ABHD2: variants seen among roughly 807,000 people sequenced by gnomAD.
ABHD2 encodes the protein monoacylglycerol lipase ABHD2.
ABHD2 carries 20 observed loss-of-function variants against 48.1 expected under a neutral mutation model. The observed-to-expected ratio is 0.42, with a 90% CI of 0.29 to 0.60. The LOEUF is 0.60. Ranked by LOEUF, ABHD2 falls within the 20% of genes least tolerant of loss-of-function variation. The pLI, the probability that ABHD2 is intolerant of heterozygous loss-of-function variation, is 0.24. For synonymous variants in ABHD2, 209 were observed against 214.2 expected (o/e 0.98, Z 0.21); for missense variants, 405 against 550.9 (o/e 0.74, Z 2.65).
intron 3 of ABHD2, chr15:89,135,564 TTCC>T (rs1265495533): frequency 1.6e-4 from 233 of 1,482,968 alleles, no homozygotes; most frequent in Non-Finnish European, 2.0e-4. Context: ...CATCTTCATC[TTCC>T]TCCTCCTCAT....
chr15:89,183,384 A>AATATATATATATAT (rs1555433648), intron 6 of ABHD2: 56 of 46,224 alleles, frequency 1.2e-3, no homozygotes, highest in South Asian at 1.8e-3. Context: ...AAAAAAAAAA[A>AATATATATATATAT]ATATATATAT....
At position 89,176,233 on chromosome 15, in the gene ABHD2, G is replaced by C. The variant is rs2051011143; in HGVS notation, c.722+238G>C. On this transcript the variant is annotated intron_variant, in intron 6 of 10. Coordinates refer to ENST00000352732, the MANE Select transcript of ABHD2 (RefSeq NM_152924.5). This position sits in a 1 kb window ranked among gnomAD's most constrained non-coding sequence, Gnocchi z 4.5. The stretch of plus-strand genomic sequence containing the variant: ...TGGGGTCAGATCTGTAATTGGAGAA[G>C]TAAAACCCCCTTTGATAGTTGCTGT... Among the ~76,000 whole-genome samples, 1 of 152,142 alleles carries C rather than the reference G, an allele frequency of 6.6e-6. No individual in the cohort carries two copies. The highest frequency in any genetic ancestry group is 1.5e-5 in the Non-Finnish European group (1 of 68,022).
In ABHD2 at chr15:89,184,376, C is replaced by T. The variant is rs898282237; in HGVS notation, c.723-1048C>T. On this transcript the variant is annotated intron_variant, in intron 6 of 10. Coordinates refer to ENST00000352732, the MANE Select transcript of ABHD2 (RefSeq NM_152924.5). This position sits in a 1 kb window ranked among gnomAD's most constrained non-coding sequence, Gnocchi z 5.1. ...CAAACCACCTGGTCCCCTCACTTACCATCTGGAAGATGGAACCTAGTAGAA... is the reference window on the plus strand; with the variant it reads ...CAAACCACCTGGTCCCCTCACTTACTATCTGGAAGATGGAACCTAGTAGAA... 1.3e-5 allele frequency among the ~76,000 whole-genome samples: 2 copies of T among 152,164 alleles called. No homozygotes were observed. Among genetic ancestry groups the T allele is most frequent in the Non-Finnish European group, 2.9e-5 (2 of 68,040 alleles).
intron 3 of ABHD2, chr15:89,136,092 A>ATTTT (rs35713906): frequency 3.3e-4 from 56 of 167,406 alleles, no homozygotes; most frequent in East Asian, 7.3e-4. Context: ...ATGCCTGGCA[A>ATTTT]TTTTTTTTTT....
At position 89,146,439 on chromosome 15, in the gene ABHD2, T is replaced by A. The variant is rs1025324321; in HGVS notation, c.195-5238T>A. On this transcript the variant is annotated intron_variant, in intron 3 of 10. Transcript: ENST00000352732. This position sits in a 1 kb window ranked among gnomAD's most constrained non-coding sequence, Gnocchi z 4.2. ...GGGGTGGGAGGGAGATCCAGACCCTTGTGGTCTTTCCCACTGACCAATTCT... is the reference window on the plus strand; with the variant it reads ...GGGGTGGGAGGGAGATCCAGACCCTAGTGGTCTTTCCCACTGACCAATTCT... Among the ~76,000 whole-genome samples the A allele has an allele frequency of 6.6e-6, 1 of 151,194 alleles. No individual in the cohort carries two copies. The highest frequency in any genetic ancestry group is 2.4e-5 in the African/African-American group (1 of 41,106).
the ABHD2 span, among the ~76,000 whole-genome samples, chr15:89,043,051 G>A: frequency 1.8e-3 from 274 of 152,306 alleles, no homozygotes; most frequent in Middle Eastern, 0.01. Context: ...CTGCTTTGAT[G>A]CCTATGCTGA....
Position 89,164,484 on chromosome 15 carries a change from T to A in ABHD2, c.538+8950T>A, listed in dbSNP as rs982863752. 2.6e-5 allele frequency among the ~76,000 whole-genome samples: 4 copies of A among 151,956 alleles called. No individual in the cohort carries two copies. Among genetic ancestry groups the A allele is most frequent in the Non-Finnish European group, 4.4e-5 (3 of 68,004 alleles). ...CCTGGTCGAGAAAGCTGAGAAAGAC[T>A]GTTAAGAAATTTGGCAATAAGTCCC... is the stretch of plus-strand genomic sequence containing the variant. On this transcript the variant is annotated intron_variant, in intron 5 of 10. Transcript: ENST00000352732. The surrounding 1 kb of genome is among the most constrained non-coding windows in gnomAD (Gnocchi z 5.0).
chr15:89,065,274 A>G, the ABHD2 span, among the ~76,000 whole-genome samples: 3 of 152,104 alleles, frequency 2.0e-5, no homozygotes, highest in Non-Finnish European at 4.4e-5. Context: ...CTCTACTCCC[A>G]TCCACCCGTT....
chr15:89,135,926 C>CT (rs879125413), intron 3 of ABHD2: 27,619 of 413,556 alleles, frequency 0.067, no homozygotes, highest in South Asian at 0.091. Flanking sequence ...GATCCTTTAA[C>CT]TTTTTTTTTT....
chr15:89,188,247 C>G lies in ABHD2; in HGVS notation c.870C>G (p.Asp290Glu), dbSNP rs2051245409. 1 of 1,612,466 alleles carries G rather than the reference C, an allele frequency of 6.2e-7. No individual in the cohort carries two copies. The change falls in exon 8 of 11, where the codon GAC (aspartate) becomes GAG (glutamate). Residue 290 changes from aspartate (D) to glutamate (E), a missense_variant. Coordinates refer to ENST00000352732, the MANE Select transcript of ABHD2 (RefSeq NM_152924.5). The surrounding 1 kb of genome is among the most constrained non-coding windows in gnomAD (Gnocchi z 4.1). ...VKKPQSLEDT[D>E]LSRLYTATSL... is the part of the protein sequence containing the mutation. ...AACCCCAGAGCCTGGAAGACACGGA[C>G]TTGAGCCGGCTCTACACAGCAACAT...
chr15:89,111,993 C>T (rs1459741492), intron 1 of ABHD2, among the ~76,000 whole-genome samples: 1 of 151,982 alleles, frequency 6.6e-6, no homozygotes, highest in Non-Finnish European at 1.5e-5. Context: ...TCAACACAGA[C>T]CTTTTCAGGG....
rs1337133627 is a variant in ABHD2, at chr15:89,164,729, A to T, written c.538+9195A>T. 6.6e-6 allele frequency among the ~76,000 whole-genome samples: 1 copy of T among 151,898 alleles called. No individual in the cohort carries two copies. Among genetic ancestry groups the T allele is most frequent in the Non-Finnish European group, 1.5e-5 (1 of 68,004 alleles). ...GAGCCCAGGAGTGCAGTGAGCCAAGATTACGCCACTGCACTCCAGCCTAGA... is the reference window on the plus strand; with the variant it reads ...GAGCCCAGGAGTGCAGTGAGCCAAGTTTACGCCACTGCACTCCAGCCTAGA... On this transcript the variant is annotated intron_variant, in intron 5 of 10. Transcript: ENST00000352732. The surrounding 1 kb of genome is among the most constrained non-coding windows in gnomAD (Gnocchi z 5.0).
chr15:89,122,502 G>A (rs916057901), intron 3 of ABHD2, among the ~76,000 whole-genome samples: 6 of 152,186 alleles, frequency 3.9e-5, no homozygotes, highest in Admixed American at 1.3e-4. Flanking sequence ...CTTGTTCAAT[G>A]GTGCTCTAGG....
In ABHD2 at chr15:89,146,219, T is replaced by G. The variant is rs2050488384; in HGVS notation, c.195-5458T>G. Among the ~76,000 whole-genome samples, 1 of 152,152 alleles carries G rather than the reference T, an allele frequency of 6.6e-6. No homozygotes were observed. The highest frequency in any genetic ancestry group is 2.1e-4 in the South Asian group (1 of 4,826). ...ATAGTTTGATTTACAGCCAAGGAACTTAGGTACCATAAGGAAGAACTGGTC... is the reference window on the plus strand; with the variant it reads ...ATAGTTTGATTTACAGCCAAGGAACGTAGGTACCATAAGGAAGAACTGGTC... On this transcript the variant is annotated intron_variant, in intron 3 of 10. Transcript: ENST00000352732. This position sits in a 1 kb window ranked among gnomAD's most constrained non-coding sequence, Gnocchi z 4.2.
rs774970955 is a variant in ABHD2, at chr15:89,155,356, C to G, written c.371-11C>G. On this transcript the variant is annotated splice_polypyrimidine_tract_variant and intron_variant, in intron 4 of 10. Transcript: ENST00000352732. This position sits in a 1 kb window ranked among gnomAD's most constrained non-coding sequence, Gnocchi z 4.9. ...CTTGGATACATCAGGATCTCTTTCT[C>G]TACGCTATAGATGATATCACCATGG... 5 of 1,609,164 alleles carry G rather than the reference C, an allele frequency of 3.1e-6. No individual in the cohort carries two copies. The highest frequency in any genetic ancestry group is 1.1e-5 in the South Asian group (1 of 90,808).
chr15:89,198,656 C>T lies in ABHD2; in HGVS notation c.*3233C>T, dbSNP rs544716720. 3 of 152,338 alleles carry T rather than the reference C, an allele frequency of 2.0e-5. No individual in the cohort carries two copies. The highest frequency in any genetic ancestry group is 2.0e-4 in the Admixed American group (3 of 15,306). 9.4% of individuals were successfully genotyped at this position (152,338 alleles called of 1,614,324 possible). On this transcript the variant is annotated 3_prime_UTR_variant, in exon 11 of 11. Transcript: ENST00000352732. The surrounding 1 kb of genome is among the most constrained non-coding windows in gnomAD (Gnocchi z 5.1). ...TTGGATCGTGGGCAAATCACCTCAC[C>T]TCTCTGAGCCTGTTCCCTCCTCTTA... is the stretch of plus-strand genomic sequence containing the variant.
At chr15:89,122,596 A>C (rs1048897612) in intron 3 of ABHD2, among the ~76,000 whole-genome samples, 10 of 152,148 alleles carry the variant, frequency 6.6e-5, no homozygotes, top group African/African-American at 2.2e-4. Flanking sequence ...TGGATTGCTT[A>C]TGGTCTTAAA....
chr15:89,059,131 C>T, the ABHD2 span, among the ~76,000 whole-genome samples: 1 of 152,180 alleles, frequency 6.6e-6, no homozygotes, highest in Non-Finnish European at 1.5e-5. Context: ...CTCTCCTCTC[C>T]AGCATCTCCC....
chr15:89,197,632 C>G lies in ABHD2; in HGVS notation c.*2209C>G, dbSNP rs2051427518. 6.6e-6 allele frequency: 1 copy of G among 152,272 alleles called. No individual in the cohort carries two copies. Among genetic ancestry groups the G allele is most frequent in the African/African-American group, 2.4e-5 (1 of 41,440 alleles). The allele number at this position is 152,272 out of a possible 1,614,324, so 9.4% of individuals were successfully genotyped here. ...GACAAAATAGTGGCTGGCCCATGTA[C>G]CAGCTCCATTCAGAAATTCAGGAAG... On this transcript the variant is annotated 3_prime_UTR_variant, in exon 11 of 11. Transcript: ENST00000352732. The surrounding 1 kb of genome is among the most constrained non-coding windows in gnomAD (Gnocchi z 4.4).
Sources: gnomAD v4.1 joint callset for allele counts (sites outside exome capture counted in the v4.1 genomes callset) on GRCh38, gnomAD v4.1.1 for gene constraint, Gnocchi (gnomAD v3.1) non-coding constraint, MANE v1.5 for transcripts, NCBI Gene and HGNC (gene_info 2026-07-23, HGNC 2026-07-21) for gene names.